Variants in PI4KB observed in about 807,000 individuals in gnomAD.
The protein encoded by PI4KB is phosphatidylinositol 4-kinase beta.
PI4KB carries 23 observed loss-of-function variants against 81.4 expected under a neutral mutation model. The observed-to-expected ratio is 0.28, with a 90% CI of 0.20 to 0.40. The LOEUF (loss-of-function observed/expected upper bound fraction) is 0.40, where lower values mean the gene tolerates loss of function less well. PI4KB is among the 10% of genes least tolerant of loss of function. The pLI is 1.00. For missense variants in PI4KB, 651 were observed against 1,036.6 expected, an observed-to-expected ratio of 0.63 and a Z score of 5.11; for synonymous variants, 381 against 406.8, an observed-to-expected ratio of 0.94 and a Z score of 0.76.
At chr1:151,303,190 G>A (rs1054635201) in intron 6 of PI4KB, among the ~76,000 whole-genome samples, 9 of 150,780 alleles carry the variant, frequency 6.0e-5, no homozygotes, top group South Asian at 2.1e-4. Context: ...TAATAGAGAC[G>A]GAGTTTCACC....
chr1:151,321,030 A>C (rs1476230589), intron 1 of PI4KB, among the ~76,000 whole-genome samples: 3 of 152,266 alleles, frequency 2.0e-5, no homozygotes, highest in African/African-American at 7.2e-5. Context: ...CCAGGAAGGC[A>C]AATAAGGATA....
chr1:151,310,258 G>A lies in PI4KB; in HGVS notation c.910-3C>T. Reference sequence around the variant, plus strand: ...CTCTCGGTGCTGGAGGAGAGCTCCTGGGAAAGGGCCAGAGGGCAAAGGGAG... The same window carrying A: ...CTCTCGGTGCTGGAGGAGAGCTCCTAGGAAAGGGCCAGAGGGCAAAGGGAG... On this transcript the variant is annotated splice_polypyrimidine_tract_variant and splice_region_variant and intron_variant, in intron 2 of 11. Transcript: ENST00000368873. 6.3e-7 allele frequency: 1 copy of A among 1,598,978 alleles called. No homozygotes were observed. Among genetic ancestry groups the A allele is most frequent in the Non-Finnish European group, 8.5e-7 (1 of 1,171,620 alleles).
At chr1:151,293,603 G>C (rs1694515560) in intron 11 of PI4KB, 1 of 323,850 alleles carries the variant, frequency 3.1e-6, no homozygotes. Context: ...GTAGTGGAAG[G>C]AGATAATGAT....
At chr1:151,294,770 T>C (rs1694652888) in intron 9 of PI4KB, among the ~76,000 whole-genome samples, 1 of 152,230 alleles carries the variant, frequency 6.6e-6, no homozygotes, top group East Asian at 1.9e-4. Context: ...CTGAAATTGC[T>C]ATTAATAATT....
intron 2 of PI4KB, among the ~76,000 whole-genome samples, chr1:151,315,269 G>A (rs189116485): frequency 6.6e-6 from 1 of 152,280 alleles, no homozygotes; most frequent in Non-Finnish European, 1.5e-5. Context: ...GAGCCACCGC[G>A]CCTGGCCAGT....
At chr1:151,326,271 C>T (rs1269849318) in intron 1 of PI4KB, 2 of 1,332,742 alleles carry the variant, frequency 1.5e-6, no homozygotes, top group Admixed American at 2.1e-5. Flanking sequence ...TCAAAACTTG[C>T]TCCGGCCTTC....
At chr1:151,327,133 C>T (rs1264006274) in intron 1 of PI4KB, 138 bp downstream of exon 1, 9 of 393,526 alleles carry the variant, frequency 2.3e-5, no homozygotes, top group Non-Finnish European at 3.6e-5. Flanking sequence ...GGAGAAGGAA[C>T]CCGGGGTGCA....
intron 9 of PI4KB, among the ~76,000 whole-genome samples, chr1:151,297,453 T>C (rs587645675): frequency 1.3e-5 from 2 of 151,090 alleles, no homozygotes; most frequent in East Asian, 3.9e-4. Flanking sequence ...GCAATTCTCC[T>C]GCCTTACCTC....
intron 2 of PI4KB, among the ~76,000 whole-genome samples, chr1:151,311,769 T>C (rs1005894087): frequency 3.3e-5 from 5 of 152,184 alleles, no homozygotes; most frequent in African/African-American, 1.2e-4. Flanking sequence ...TCACTCACAC[T>C]GAGTCAGCTC....
intron 1 of PI4KB, among the ~76,000 whole-genome samples, chr1:151,318,159 C>T (rs1008359822): frequency 6.6e-6 from 1 of 152,136 alleles, no homozygotes; most frequent in Non-Finnish European, 1.5e-5. Context: ...TGGCTCACGC[C>T]TGTAATCCCA....
rs772405817 is a variant in PI4KB, at chr1:151,307,817, G to GT, written c.955-17dup. The stretch of plus-strand genomic sequence containing the variant: ...GTCGAACAGGCTACAGGGGTTTGGG[G>GT]TAAGACAAAAGATGGTGAAGAAACC... On this transcript the variant is annotated splice_polypyrimidine_tract_variant and intron_variant, in intron 3 of 11. Coordinates refer to ENST00000368873, the MANE Select transcript of PI4KB (RefSeq NM_001369623.2). The GT allele has an allele frequency of 6.3e-7, 1 of 1,583,826 alleles. No homozygotes were observed. Among genetic ancestry groups the GT allele is most frequent in the South Asian group, 1.1e-5 (1 of 90,524 alleles).
rs1034280466 is a variant in PI4KB at position 151,314,711 on chromosome 1, A to T, written c.909+862T>A. Among the ~76,000 whole-genome samples, 6 of 152,212 alleles carry T rather than the reference A, an allele frequency of 3.9e-5. No individual in the cohort carries two copies. The East Asian group carries it at 1.2e-3, about 29-fold the overall frequency. ...CCAGATGCCTCAGTGATAAGAAATA[A>T]ACCTTACACTTATGTCAACAAAAGG... On this transcript the variant is annotated intron_variant, in intron 2 of 11. Transcript: ENST00000368873.
rs1038871053 is a variant in PI4KB, at chr1:151,307,477, T to C, written c.1182+97A>G. The C allele has an allele frequency of 9.8e-6, 7 of 716,078 alleles. No homozygotes were observed. The African/African-American group carries it at 1.2e-4, about 13-fold the overall frequency. 44.4% of individuals were successfully genotyped at this position (716,078 alleles called of 1,614,324 possible). ...CATGAACTATGAAGGGAGTCTAGGA[T>C]GTTGGTGAGGGCCTCACTGGTCATA... On this transcript the variant is annotated intron_variant, in intron 4 of 11. Transcript: ENST00000368873.
Position 151,292,544 on chromosome 1 carries a change from C to G in PI4KB, c.*308G>C. 1 of 319,798 alleles carries G rather than the reference C, an allele frequency of 3.1e-6. No homozygotes were observed. The highest frequency in any genetic ancestry group is 4.5e-5 in the South Asian group (1 of 22,226). The allele number at this position is 319,798 out of a possible 1,614,324, so 19.8% of individuals were successfully genotyped here. ...GAGACCCCTACAAGGAGAAGAAAGG[C>G]CCCAGTGTCCCTCACATTTGTCACC... On this transcript the variant is annotated 3_prime_UTR_variant, in exon 12 of 12. Transcript: ENST00000368873.
rs1004774078 is a variant in PI4KB, at chr1:151,296,592, T to C, written c.2016-2051A>G. ...TTCAAGTGATTCTCCTGCCTCAGCC[T>C]CCCAAGTAGCTGGGAATACAGGCGC... On this transcript the variant is annotated intron_variant, in intron 9 of 11. Coordinates refer to ENST00000368873, the MANE Select transcript of PI4KB (RefSeq NM_001369623.2). Among the ~76,000 whole-genome samples, 4 of 151,576 alleles carry C rather than the reference T, an allele frequency of 2.6e-5. No homozygotes were observed. The East Asian group carries it at 7.8e-4, about 30-fold the overall frequency.
Position 151,310,248 on chromosome 1 carries a change from G to A in PI4KB, c.917C>T (p.Ser306Phe), listed in dbSNP as rs1364707430. Residue 306 changes from serine to phenylalanine, a missense_variant, in exon 3 of 12, where the codon TCC becomes TTC. By Grantham distance (155) the Ser-to-Phe change is radical. Coordinates refer to ENST00000368873, the MANE Select transcript of PI4KB (RefSeq NM_001369623.2). Reference sequence around the variant, plus strand: ...ATTATCAATACTCTCGGTGCTGGAGGAGAGCTCCTGGGAAAGGGCCAGAGG... The same window carrying A: ...ATTATCAATACTCTCGGTGCTGGAGAAGAGCTCCTGGGAAAGGGCCAGAGG... ...PKVENEDEELSSSTESIDNSF... is the reference protein window; with the variant it reads ...PKVENEDEELFSSTESIDNSF... 6.6e-7 allele frequency: 1 copy of A among 1,516,568 alleles called. No homozygotes were observed. The highest frequency in any genetic ancestry group is 1.4e-5 in the African/African-American group (1 of 71,794). 93.9% of individuals were successfully genotyped at this position (1,516,568 alleles called of 1,614,324 possible).
chr1:151,293,530 G>T, intron 11 of PI4KB: 1 of 708,466 alleles, frequency 1.4e-6, no homozygotes, highest in Non-Finnish European at 2.0e-6. Context: ...TACACCTGGA[G>T]CCTTGAGGAG....
At chr1:151,314,919 G>C (rs1571202514) in intron 2 of PI4KB, among the ~76,000 whole-genome samples, 1 of 152,122 alleles carries the variant, frequency 6.6e-6, no homozygotes. Flanking sequence ...GTCAGGGTGT[G>C]GAGGGCTTCT....
At chr1:151,325,651 G>A (rs986673147) in intron 1 of PI4KB, among the ~76,000 whole-genome samples, 2 of 152,176 alleles carry the variant, frequency 1.3e-5, no homozygotes, top group Non-Finnish European at 2.9e-5. Context: ...AAGGAAGCAG[G>A]CCTGGAGCTT....
Sources: allele counts gnomAD v4.1 joint callset (sites outside exome capture counted in the v4.1 genomes callset), GRCh38; gene constraint gnomAD v4.1.1; transcripts MANE v1.5; gene names NCBI Gene and HGNC (gene_info 2026-07-23, HGNC 2026-07-21).